The following SLC10A1 variants were observed in gnomAD, a reference collection of about 807,000 sequenced individuals.
SLC10A1 encodes the protein solute carrier family 10 member 1.
A neutral mutation model predicts 20.5 loss-of-function variants in SLC10A1; 36 were observed. The observed-to-expected ratio is 1.75, with a 90% CI of 1.34 to 2.32. SLC10A1 has a LOEUF of 2.32. Ranked by LOEUF, SLC10A1 falls within the 30% of genes most tolerant of loss-of-function variation. The pLI, the probability that SLC10A1 is intolerant of heterozygous loss-of-function variation, is 0.00. For synonymous variants in SLC10A1, 188 were observed against 163.6 expected (o/e 1.15, Z -1.14); for missense variants, 545 against 439.1 (o/e 1.24, Z -2.16).
In SLC10A1 at chr14:69,778,438, C is replaced by T. The variant is rs1416975343; in HGVS notation, c.838G>A (p.Gly280Arg). 29 of 1,613,922 alleles carry T rather than the reference C, an allele frequency of 1.8e-5. No homozygotes were observed. Among genetic ancestry groups the T allele is most frequent in the Non-Finnish European group, 2.4e-5 (28 of 1,179,980 alleles). Residue 280 changes from glycine (G) to arginine (R), a missense_variant, in exon 4 of 5, where the codon GGA becomes AGA. Gly to Arg is a moderately radical substitution (Grantham distance 125). Transcript: ENST00000216540. ...LNVAFPPEVI[G>R]PLFFFPLLYM... Reference sequence around the variant, plus strand: ...AGGAGGGGAAAGAAGAAAAGTGGTCCAATGACTTCAGGTGGAAAGGCCACA... The same window carrying T: ...AGGAGGGGAAAGAAGAAAAGTGGTCTAATGACTTCAGGTGGAAAGGCCACA...
chr14:69,782,228 C>T (rs1883608108), intron 2 of SLC10A1, among the ~76,000 whole-genome samples: 1 of 152,156 alleles, frequency 6.6e-6, no homozygotes, highest in Non-Finnish European at 1.5e-5. Flanking sequence ...AAAATGGGTC[C>T]AGGGCATGCC....
chr14:69,781,399 A>C (rs1013975709), intron 2 of SLC10A1, among the ~76,000 whole-genome samples: 1 of 152,236 alleles, frequency 6.6e-6, no homozygotes, highest in South Asian at 2.1e-4. Flanking sequence ...TGGCTTACAC[A>C]TGAGATGACA....
chr14:69,787,697 G>A (rs567105806), intron 1 of SLC10A1, among the ~76,000 whole-genome samples: 24 of 152,188 alleles, frequency 1.6e-4, no homozygotes, highest in South Asian at 1.2e-3. Flanking sequence ...CCCCACCCCC[G>A]TGAACACTTA....
chr14:69,792,367 C>T (rs902195710), intron 1 of SLC10A1, among the ~76,000 whole-genome samples: 3 of 152,084 alleles, frequency 2.0e-5, no homozygotes, highest in Non-Finnish European at 2.9e-5. Flanking sequence ...TCAAAACCCA[C>T]CCAAACCACA....
chr14:69,778,868 A>G (rs1883516162), intron 3 of SLC10A1, among the ~76,000 whole-genome samples: 1 of 152,180 alleles, frequency 6.6e-6, no homozygotes, highest in Admixed American at 6.6e-5. Flanking sequence ...GTGGGACCTA[A>G]AATAATACCT....
At chr14:69,794,430 G>A (rs964697669) in intron 1 of SLC10A1, among the ~76,000 whole-genome samples, 5 of 152,078 alleles carry the variant, frequency 3.3e-5, no homozygotes, top group African/African-American at 9.7e-5. Context: ...CCCAGACCTG[G>A]AGCCAATGTA....
intron 1 of SLC10A1, among the ~76,000 whole-genome samples, chr14:69,786,601 C>G (rs1432803742): frequency 2.6e-5 from 4 of 152,146 alleles, no homozygotes; most frequent in African/African-American, 4.8e-5. Flanking sequence ...GTGGAAGGAG[C>G]CATTCTGATC....
chr14:69,790,649 G>GA (rs925790369), intron 1 of SLC10A1, among the ~76,000 whole-genome samples: 1 of 151,894 alleles, frequency 6.6e-6, no homozygotes, highest in African/African-American at 2.4e-5. Flanking sequence ...AACTTGAAAG[G>GA]AAATCTATTA....
Position 69,779,268 on chromosome 14 carries a change from T to TG in SLC10A1, c.659dup (p.Leu221ThrfsTer57), listed in dbSNP as rs1466233912. The stretch of plus-strand genomic sequence containing the variant: ...TCAGGGAGGAGGTGGCAATCAAGAG[T>TG]GGTGTCATGGCAAACATGATGCTCT... On this transcript the variant is annotated frameshift_variant, in exon 3 of 5. Coordinates refer to ENST00000216540, the MANE Select transcript of SLC10A1 (RefSeq NM_003049.4). LOFTEE classifies it high-confidence loss of function. 1 of 1,610,420 alleles carries TG rather than the reference T, an allele frequency of 6.2e-7. No individual in the cohort carries two copies. Among genetic ancestry groups the TG allele is most frequent in the South Asian group, 1.1e-5 (1 of 90,910 alleles).
chr14:69,794,248 A>T (rs1356923758), intron 1 of SLC10A1, among the ~76,000 whole-genome samples: 1 of 152,220 alleles, frequency 6.6e-6, no homozygotes, highest in African/African-American at 2.4e-5. Flanking sequence ...TGCTGATTTC[A>T]CATAAAATGG....
intron 1 of SLC10A1, among the ~76,000 whole-genome samples, chr14:69,790,577 C>T (rs1264678702): frequency 6.6e-6 from 1 of 151,794 alleles, no homozygotes; most frequent in Non-Finnish European, 1.5e-5. Context: ...GAAAAGTCAA[C>T]AAAATTTAAT....
chr14:69,790,476 G>T (rs1473674967), intron 1 of SLC10A1, among the ~76,000 whole-genome samples: 2 of 151,848 alleles, frequency 1.3e-5, no homozygotes, highest in Admixed American at 1.3e-4. Flanking sequence ...AAAATACAAT[G>T]AACAAGATGA....
At chr14:69,784,934 A>G (rs1883676858) in intron 2 of SLC10A1, among the ~76,000 whole-genome samples, 1 of 152,164 alleles carries the variant, frequency 6.6e-6, no homozygotes, top group Non-Finnish European at 1.5e-5. Flanking sequence ...ACTACTCTTG[A>G]GACAATGGTA....
chr14:69,780,335 G>A (rs933994733), intron 2 of SLC10A1, among the ~76,000 whole-genome samples: 2 of 152,182 alleles, frequency 1.3e-5, no homozygotes, highest in Non-Finnish European at 2.9e-5. Context: ...TGATAAACAG[G>A]TATGTGTAAA....
rs1486904618 is a variant in SLC10A1, at chr14:69,775,533, C to G, written c.*749G>C. 1 of 152,004 alleles carries G rather than the reference C, an allele frequency of 6.6e-6. No homozygotes were observed. The highest frequency in any genetic ancestry group is 2.4e-5 in the African/African-American group (1 of 41,372). 9.4% of individuals were successfully genotyped at this position (152,004 alleles called of 1,614,324 possible). On this transcript the variant is annotated 3_prime_UTR_variant, in exon 5 of 5. Transcript: ENST00000216540. ...CATTTTGGCAGTAGTTTGCTGTACC[C>G]AGTTTTGGGGGCGCCTTGTGTTAAA...
At chr14:69,794,731 A>C (rs981154490) in intron 1 of SLC10A1, among the ~76,000 whole-genome samples, 1 of 152,148 alleles carries the variant, frequency 6.6e-6, no homozygotes, top group African/African-American at 2.4e-5. Flanking sequence ...GTTGGGAAGG[A>C]GTTTTATGGC....
At chr14:69,784,764 A>G (rs1883673068) in intron 2 of SLC10A1, among the ~76,000 whole-genome samples, 1 of 127,418 alleles carries the variant, frequency 7.8e-6, no homozygotes, top group African/African-American at 3.8e-5. Context: ...ATAATCAATA[A>G]AAGGAGGTCT....
chr14:69,776,143 A>C lies in SLC10A1; in HGVS notation c.*139T>G, dbSNP rs1883440463. On this transcript the variant is annotated 3_prime_UTR_variant, in exon 5 of 5. Coordinates refer to ENST00000216540, the MANE Select transcript of SLC10A1 (RefSeq NM_003049.4). ...CACCCTGTCTGTGTTCCCGGCCAAG[A>C]CTTGATGATTCTGATAGATGTACTG... is the stretch of plus-strand genomic sequence containing the variant. The C allele has an allele frequency of 1.5e-6, 1 of 666,616 alleles. No individual in the cohort carries two copies. Among genetic ancestry groups the C allele is most frequent in the South Asian group, 1.9e-5 (1 of 53,604 alleles). 41.3% of individuals were successfully genotyped at this position (666,616 alleles called of 1,614,324 possible). A position where few individuals can be genotyped will look rare whatever the true frequency, so the allele number is the denominator to read the frequency against.
At chr14:69,788,027 T>TA (rs143708210) in intron 1 of SLC10A1, among the ~76,000 whole-genome samples, 2 of 149,632 alleles carry the variant, frequency 1.3e-5, no homozygotes, top group African/African-American at 2.5e-5. Flanking sequence ...GCCACTCCAC[T>TA]AAAAAAAAAG....
Sources: gnomAD v4.1 joint callset for allele counts (sites outside exome capture counted in the v4.1 genomes callset) on GRCh38, gnomAD v4.1.1 for gene constraint, MANE v1.5 for transcripts, NCBI Gene and HGNC (gene_info 2026-07-23, HGNC 2026-07-21) for gene names.